UBR3: variants seen among roughly 807,000 people sequenced by gnomAD.
The protein encoded by UBR3 is ubiquitin protein ligase E3 component n-recognin 3.
Under a neutral mutation model 243.2 loss-of-function variants are expected in UBR3, and 85 were observed. The observed-to-expected ratio is 0.35, with a 90% CI of 0.29 to 0.42. The LOEUF (loss-of-function observed/expected upper bound fraction) is 0.42. Among genes scored for constraint, UBR3 ranks in the 10% least tolerant of loss-of-function variants. UBR3 has a pLI of 1.00. For missense variants in UBR3, 1,686 were observed against 2,300.8 expected (o/e 0.73, Z 5.47); for synonymous variants, 748 against 799.8 (o/e 0.94, Z 1.09).
intron 35 of UBR3, among the ~76,000 whole-genome samples, chr2:170,061,936 T>C (rs1224086116): frequency 1.3e-5 from 2 of 152,232 alleles, no homozygotes; most frequent in African/African-American, 4.8e-5. Flanking sequence ...TATGATAATA[T>C]TACTAATATT....
rs1322768931 is a variant in UBR3 at position 169,827,490 on chromosome 2, A to G, written c.-18A>G. 4.1e-6 allele frequency: 5 copies of G among 1,226,654 alleles called. No individual in the cohort carries two copies. The African/African-American group carries it at 4.7e-5, about 12-fold the overall frequency. The allele number at this position is 1,226,654 out of a possible 1,614,324, so 76.0% of individuals were successfully genotyped here. A position where few individuals can be genotyped will look rare whatever the true frequency, so the allele number is the denominator to read the frequency against. On this transcript the variant is annotated 5_prime_UTR_variant, in exon 1 of 39. Transcript: ENST00000272793. Reference sequence around the variant, plus strand: ...AGGAGCCGCTGGCCCTGGACTCTCCAAATTCTGAGCTCTCATCATGGCGGC... The same window carrying G: ...AGGAGCCGCTGGCCCTGGACTCTCCGAATTCTGAGCTCTCATCATGGCGGC...
chr2:169,856,586 C>T (rs1229838635), intron 1 of UBR3, among the ~76,000 whole-genome samples: 4 of 152,226 alleles, frequency 2.6e-5, no homozygotes, highest in Non-Finnish European at 5.9e-5. Flanking sequence ...ATCCCGGCAC[C>T]TCGGGAGGCC....
chr2:169,852,208 CA>C (rs1227052609), intron 1 of UBR3, among the ~76,000 whole-genome samples: 2 of 152,182 alleles, frequency 1.3e-5, no homozygotes, highest in Non-Finnish European at 2.9e-5. Flanking sequence ...AACAGTGACT[CA>C]GATTTCTGTT....
rs555097114 is a variant in UBR3 at position 170,053,319 on chromosome 2, G to C, written c.4661-2141G>C. The stretch of plus-strand genomic sequence containing the variant: ...GGTATGTACTAGGAAGAGAGTACCT[G>C]CATGACCCCAGTAAAAACCTTGGGC... On this transcript the variant is annotated intron_variant, in intron 32 of 38. Transcript: ENST00000272793. 3.3e-5 allele frequency among the ~76,000 whole-genome samples: 5 copies of C among 152,292 alleles called. No individual in the cohort carries two copies. In the East Asian group the frequency reaches 7.7e-4, roughly 24 times the overall value.
chr2:170,042,215 T>C (rs766634529), intron 32 of UBR3, among the ~76,000 whole-genome samples: 1 of 152,226 alleles, frequency 6.6e-6, no homozygotes, highest in African/African-American at 2.4e-5. Context: ...TTAATGATAT[T>C]ATACATTACG....
intron 26 of UBR3, among the ~76,000 whole-genome samples, chr2:170,000,024 G>C (rs1195021966): frequency 2.6e-5 from 4 of 152,046 alleles, no homozygotes; most frequent in African/African-American, 9.7e-5. Context: ...TACTTGGAAG[G>C]CTGAGGCAGG....
At chr2:169,868,082 C>A (rs1214507860) in intron 1 of UBR3, among the ~76,000 whole-genome samples, 2 of 152,160 alleles carry the variant, frequency 1.3e-5, no homozygotes, top group Non-Finnish European at 2.9e-5. Flanking sequence ...AAATTACAAT[C>A]TTTTAAATGA....
chr2:169,992,391 A>C (rs941258994), intron 25 of UBR3, among the ~76,000 whole-genome samples: 3 of 152,206 alleles, frequency 2.0e-5, no homozygotes, highest in Non-Finnish European at 4.4e-5. Context: ...ACACTTCCCA[A>C]CTTATTCAGA....
chr2:170,017,578 CACACA>C (rs750064912), intron 30 of UBR3, among the ~76,000 whole-genome samples: 1 of 142,668 alleles, frequency 7.0e-6, no homozygotes, highest in Non-Finnish European at 1.5e-5. Context: ...CACACACACA[CACACA>C]GGGGGAGAAG....
In UBR3 at chr2:169,942,505, T is replaced by G; in HGVS notation, c.2676T>G (p.Ser892Arg). 1.3e-6 allele frequency: 2 copies of G among 1,547,484 alleles called. No homozygotes were observed. Among genetic ancestry groups the G allele is most frequent in the Non-Finnish European group, 1.7e-6 (2 of 1,146,176 alleles). The stretch of plus-strand genomic sequence containing the variant: ...TTTATTTTTACAGTTTAAAACAGAG[T>G]GGAAAATTTCCTGGAAATCCCTGGC... The part of the protein sequence containing the change: ...MDRYTAFLKQ[S>R]GKFPGNPWPP... Residue 892 changes from serine (S) to arginine (R), a missense_variant, in exon 20 of 39, where the codon AGT becomes AGG. Physicochemically the swap from Ser to Arg is moderately radical, Grantham distance 110. This residue lies in a region of UBR3 where 346 missense variants were observed against 585.8 expected (regional missense o/e 0.59). Coordinates refer to ENST00000272793, the MANE Select transcript of UBR3 (RefSeq NM_172070.4).
intron 5 of UBR3, among the ~76,000 whole-genome samples, chr2:169,890,540 G>GAGATATATATATATATATATATAT (rs1553504401): frequency 2.6e-5 from 2 of 76,020 alleles, no homozygotes; most frequent in South Asian, 5.4e-4. Flanking sequence ...GAGAGAGAGA[G>GAGATATATATATATATATATATAT]ATATATATAT....
chr2:169,963,551 A>T (rs562485885), intron 24 of UBR3, among the ~76,000 whole-genome samples: 10 of 152,246 alleles, frequency 6.6e-5, no homozygotes, highest in African/African-American at 2.4e-4. Flanking sequence ...GGACAAAAGC[A>T]GATATTTAGC....
chr2:169,913,802 ATCTATTTAAAATCTAT>A (rs2085349591), intron 10 of UBR3, among the ~76,000 whole-genome samples: 1 of 152,174 alleles, frequency 6.6e-6, no homozygotes, highest in Admixed American at 6.5e-5. Flanking sequence ...TCTGATTTAA[ATCTATTTAAAATCTAT>A]TTCTGCTTTC....
At chr2:170,047,063 T>G (rs961328033) in intron 32 of UBR3, among the ~76,000 whole-genome samples, 1 of 152,078 alleles carries the variant, frequency 6.6e-6, no homozygotes, top group African/African-American at 2.4e-5. Context: ...GGTACAGTCA[T>G]AACTCACTGC....
intron 11 of UBR3, among the ~76,000 whole-genome samples, chr2:169,922,148 T>C (rs2085725768): frequency 6.6e-6 from 1 of 151,756 alleles, no homozygotes; most frequent in South Asian, 2.1e-4. Flanking sequence ...TAGCCAGGCA[T>C]GGTGGTGTGT....
chr2:169,903,348 T>C (rs549367779), intron 8 of UBR3, among the ~76,000 whole-genome samples: 1 of 152,330 alleles, frequency 6.6e-6, no homozygotes, highest in Middle Eastern at 3.4e-3. Flanking sequence ...TTCTCAATTT[T>C]TAACTTAAAA....
chr2:169,925,547 A>G lies in UBR3; in HGVS notation c.2023-72A>G, dbSNP rs1327707572. 6 of 1,344,770 alleles carry G rather than the reference A, an allele frequency of 4.5e-6. No homozygotes were observed. The Admixed American group carries it at 7.5e-5, about 17-fold the overall frequency. 83.3% of individuals were successfully genotyped at this position (1,344,770 alleles called of 1,614,324 possible). A position where few individuals can be genotyped will look rare whatever the true frequency, so the allele number is the denominator to read the frequency against. ...ATGATCACATCATTAAATATTTTGA[A>G]ATGGTTATTTATAATATTTTGTAAA... On this transcript the variant is annotated intron_variant, in intron 13 of 38. Transcript: ENST00000272793.
At chr2:170,038,090 C>T (rs1167408138) in intron 31 of UBR3, among the ~76,000 whole-genome samples, 1 of 152,038 alleles carries the variant, frequency 6.6e-6, no homozygotes, top group Non-Finnish European at 1.5e-5. Context: ...ATATACTACC[C>T]CTATTTTATT....
chr2:169,993,412 C>G (rs2089361814), intron 25 of UBR3, among the ~76,000 whole-genome samples: 1 of 152,134 alleles, frequency 6.6e-6, no homozygotes. Context: ...AATAAAAGAT[C>G]ATGTATTGTT....
Sources: allele counts gnomAD v4.1 joint callset (sites outside exome capture counted in the v4.1 genomes callset), GRCh38; gene constraint gnomAD v4.1.1; regional missense constraint gnomAD v4.1.1; transcripts MANE v1.5; gene names NCBI Gene and HGNC (gene_info 2026-07-23, HGNC 2026-07-21).